The following OPCML variants were observed in gnomAD, a reference collection of about 807,000 sequenced individuals.
OPCML encodes the protein opioid binding protein/cell adhesion molecule like.
Under a neutral mutation model 37.8 loss-of-function variants are expected in OPCML, and 13 were observed. That is an observed-to-expected ratio of 0.34 (90% CI 0.22 to 0.55). The LOEUF (loss-of-function observed/expected upper bound fraction) is 0.55, where lower values mean the gene tolerates loss of function less well. OPCML is among the 20% of genes least tolerant of loss of function. The pLI is 0.91. For missense variants in OPCML, 341 were observed against 435.6 expected, an observed-to-expected ratio of 0.78 and a Z score of 1.93; for synonymous variants, 176 against 168.8, an observed-to-expected ratio of 1.04 and a Z score of -0.33.
intron 1 of OPCML, among the ~76,000 whole-genome samples, chr11:132,970,865 T>A (rs932581140): frequency 6.6e-6 from 1 of 152,216 alleles, no homozygotes; most frequent in Admixed American, 6.5e-5. Context: ...TACTATAGAA[T>A]TTACTTCATT....
At chr11:132,992,263 A>G (rs1946796566) in intron 1 of OPCML, among the ~76,000 whole-genome samples, 1 of 152,108 alleles carries the variant, frequency 6.6e-6, no homozygotes, top group Admixed American at 6.5e-5. Context: ...CCAGCCATAT[A>G]TATACACACA....
chr11:132,889,000 A>G (rs1194312175), intron 2 of OPCML, among the ~76,000 whole-genome samples: 1 of 152,216 alleles, frequency 6.6e-6, no homozygotes, highest in African/African-American at 2.4e-5. Flanking sequence ...GCAGTGCCAC[A>G]GTTTACAGGG....
intron 1 of OPCML, among the ~76,000 whole-genome samples, chr11:133,274,769 GC>G (rs1235521505): frequency 1.5e-4 from 23 of 152,294 alleles, no homozygotes; most frequent in Admixed American, 1.4e-3. Flanking sequence ...TCAGTCACGA[GC>G]TTTTACAAAG....
intron 3 of OPCML, among the ~76,000 whole-genome samples, chr11:132,598,813 A>C (rs994563363): frequency 3.3e-5 from 5 of 152,140 alleles, no homozygotes; most frequent in Non-Finnish European, 5.9e-5. Context: ...CTTCTAGTTT[A>C]TGTTTTTTTT....
chr11:133,076,820 C>T (rs1294994439), intron 1 of OPCML, among the ~76,000 whole-genome samples: 1 of 152,120 alleles, frequency 6.6e-6, no homozygotes, highest in Non-Finnish European at 1.5e-5. Flanking sequence ...CCTCCTGACC[C>T]CACTAGGAAT....
chr11:133,458,775 G>GTA (rs1242010142), intron 1 of OPCML, among the ~76,000 whole-genome samples: 24 of 129,760 alleles, frequency 1.8e-4, no homozygotes, highest in Admixed American at 1.4e-3. Flanking sequence ...GCACGTGTGT[G>GTA]TATATACACA....
chr11:133,399,927 A>G (rs147994212), intron 1 of OPCML, among the ~76,000 whole-genome samples: 102 of 151,740 alleles, frequency 6.7e-4, no homozygotes, highest in African/African-American at 2.4e-3. Flanking sequence ...TAATGCATGC[A>G]CACGTCTGTT....
chr11:132,760,365 G>T (rs911620225), intron 2 of OPCML, among the ~76,000 whole-genome samples: 4 of 152,104 alleles, frequency 2.6e-5, no homozygotes, highest in African/African-American at 9.7e-5. Flanking sequence ...TTAATTTTCT[G>T]TCTCATTGAT....
At chr11:133,370,958 T>G (rs575178822) in intron 1 of OPCML, among the ~76,000 whole-genome samples, 1 of 152,180 alleles carries the variant, frequency 6.6e-6, no homozygotes, top group South Asian at 2.1e-4. Context: ...TACAAGAAAC[T>G]CAAATGATTC....
chr11:133,087,200 A>G (rs1948830094), intron 1 of OPCML, among the ~76,000 whole-genome samples: 1 of 152,192 alleles, frequency 6.6e-6, no homozygotes, highest in African/African-American at 2.4e-5. Context: ...TTTCAACATT[A>G]TCGTTATATT....
chr11:132,991,207 T>C (rs960708045), intron 1 of OPCML, among the ~76,000 whole-genome samples: 4 of 152,130 alleles, frequency 2.6e-5, no homozygotes, highest in African/African-American at 9.7e-5. Context: ...AACTAGAAAA[T>C]CTTTTGACTG....
intron 2 of OPCML, among the ~76,000 whole-genome samples, chr11:132,698,072 C>A (rs1943666945): frequency 6.7e-6 from 1 of 149,370 alleles, no homozygotes; most frequent in Non-Finnish European, 1.5e-5. Context: ...CCAAGTAATC[C>A]TTCTGTATCA....
intron 3 of OPCML, among the ~76,000 whole-genome samples, chr11:132,539,899 G>A (rs987959662): frequency 1.3e-5 from 2 of 151,978 alleles, no homozygotes; most frequent in African/African-American, 2.4e-5. Context: ...GGTGGTGATG[G>A]TAATGCTGAT....
chr11:132,660,850 C>T lies in OPCML; in HGVS notation c.147-3531G>A, dbSNP rs115471004. Among the ~76,000 whole-genome samples, 165 of 152,228 alleles carry T rather than the reference C, an allele frequency of 1.1e-3. 3 individuals carry two copies. The highest frequency in any genetic ancestry group is 3.5e-3 in the African/African-American group (147 of 41,552). ...AAGCCAAAGAAGTTTATCTCCTGGACGAAGTGTGAAGTGGGAGCTGTCAGA... is the reference window on the plus strand; with the variant it reads ...AAGCCAAAGAAGTTTATCTCCTGGATGAAGTGTGAAGTGGGAGCTGTCAGA... On this transcript the variant is annotated intron_variant, in intron 2 of 7. Coordinates refer to ENST00000524381, the MANE Select transcript of OPCML (RefSeq NM_001012393.5).
chr11:133,146,566 G>T (rs984251870), intron 1 of OPCML, among the ~76,000 whole-genome samples: 3 of 152,082 alleles, frequency 2.0e-5, no homozygotes, highest in African/African-American at 7.2e-5. Flanking sequence ...GCCCGCCTCG[G>T]CCTCCCAAAG....
chr11:132,782,723 G>C (rs954811920), intron 2 of OPCML, among the ~76,000 whole-genome samples: 9 of 151,916 alleles, frequency 5.9e-5, no homozygotes, highest in African/African-American at 1.4e-4. Context: ...CTTTATGACT[G>C]TGGGTAGGCT....
At chr11:133,244,332 C>A (rs369677659) in intron 1 of OPCML, among the ~76,000 whole-genome samples, 3 of 151,960 alleles carry the variant, frequency 2.0e-5, no homozygotes, top group African/African-American at 7.2e-5. Context: ...GGAGATAAAC[C>A]CAAACACTAA....
intron 4 of OPCML, among the ~76,000 whole-genome samples, chr11:132,506,738 TTATTTCAAAAAAC>T (rs1488054547): frequency 2.6e-5 from 4 of 152,010 alleles, no homozygotes; most frequent in African/African-American, 9.7e-5. Flanking sequence ...AATCAAATAT[TTATTTCAAAAAAC>T]TATAGAGGAT....
At chr11:133,463,365 G>A (rs1237802692) in intron 1 of OPCML, among the ~76,000 whole-genome samples, 2 of 152,038 alleles carry the variant, frequency 1.3e-5, no homozygotes, top group Non-Finnish European at 2.9e-5. Context: ...TGATGCCACT[G>A]AAGTGTACAC....
Sources: allele counts gnomAD v4.1 joint callset (sites outside exome capture counted in the v4.1 genomes callset), GRCh38; gene constraint gnomAD v4.1.1; transcripts MANE v1.5; gene names NCBI Gene and HGNC (gene_info 2026-07-23, HGNC 2026-07-21).